NSL1: variants seen among roughly 807,000 people sequenced by gnomAD.
NSL1 encodes kinetochore-associated protein NSL1 homolog.
NSL1 carries 11 observed loss-of-function variants against 25.4 expected under a neutral mutation model. The observed-to-expected ratio is 0.43, with a 90% CI of 0.27 to 0.72. The LOEUF (loss-of-function observed/expected upper bound fraction) is 0.72. Ranked by LOEUF, NSL1 falls within the 30% of genes least tolerant of loss-of-function variation. NSL1 has a pLI of 0.19. For missense variants in NSL1, 330 were observed against 342.7 expected (o/e 0.96, Z 0.29); for synonymous variants, 118 against 120.6 (o/e 0.98, Z 0.14).
rs1485326615 is a variant in NSL1 at position 212,735,245 on chromosome 1, C to A, written c.*3163G>T. 16 of 900,692 alleles carry A rather than the reference C, an allele frequency of 1.8e-5. No homozygotes were observed. The highest frequency in any genetic ancestry group is 2.0e-5 in the Non-Finnish European group (15 of 753,150). The allele number at this position is 900,692 out of a possible 1,614,324, so 55.8% of individuals were successfully genotyped here. On this transcript the variant is annotated 3_prime_UTR_variant, in exon 6 of 6. Coordinates refer to ENST00000366977, the MANE Select transcript of NSL1 (RefSeq NM_015471.4). ...TATCATTGAACTAATAATGGTAGAA[C>A]TGAAATCTGAACTCAGATGATCTGG...
intron 4 of NSL1, among the ~76,000 whole-genome samples, chr1:212,750,825 C>T (rs192700299): frequency 6.6e-6 from 1 of 152,094 alleles, no homozygotes; most frequent in African/African-American, 2.4e-5. Context: ...CCTGTAATCC[C>T]AGCTACTAGG....
At position 212,791,567 on chromosome 1, in the gene NSL1, T is replaced by G; in HGVS notation, c.197A>C (p.Glu66Ala). 4.3e-6 allele frequency: 7 copies of G among 1,613,812 alleles called. No individual in the cohort carries two copies. The highest frequency in any genetic ancestry group is 5.9e-6 in the Non-Finnish European group (7 of 1,180,016). Residue 66 changes from glutamate (E) to alanine (A), a missense_variant, in exon 1 of 6, where the codon GAG becomes GCG. Coordinates refer to ENST00000366977, the MANE Select transcript of NSL1 (RefSeq NM_015471.4). ...FVQKLGDALP[E>A]EIREPALRDA... ...TCGCAGAGCGGGCTCCCGAATCTCC[T>G]CCGGCAGAGCGTCCCCGAGCTTTTG...
chr1:212,742,640 C>G (rs929414599), intron 4 of NSL1, among the ~76,000 whole-genome samples: 2 of 152,084 alleles, frequency 1.3e-5, no homozygotes, highest in Admixed American at 1.3e-4. Context: ...AAAGATCATA[C>G]TGTCGAAAGG....
intron 5 of NSL1, among the ~76,000 whole-genome samples, chr1:212,739,181 A>C (rs1658380258): frequency 6.6e-6 from 1 of 152,218 alleles, no homozygotes; most frequent in South Asian, 2.1e-4. Flanking sequence ...ATAGGATGTA[A>C]GGATTACATG....
chr1:212,779,362 C>T (rs1429003717), intron 4 of NSL1, among the ~76,000 whole-genome samples: 9 of 142,758 alleles, frequency 6.3e-5, no homozygotes, highest in African/African-American at 2.3e-4. Context: ...CGGCCAGCCG[C>T]CCCATCTCAG....
chr1:212,771,050 A>T (rs1660081075), intron 4 of NSL1, among the ~76,000 whole-genome samples: 1 of 152,198 alleles, frequency 6.6e-6, no homozygotes, highest in Non-Finnish European at 1.5e-5. Context: ...GCAGCAGCTC[A>T]CGCCTATAAT....
chr1:212,768,365 C>T (rs937353202), intron 4 of NSL1, among the ~76,000 whole-genome samples: 9 of 148,292 alleles, frequency 6.1e-5, no homozygotes, highest in South Asian at 2.1e-4. Flanking sequence ...GACTACCATT[C>T]GATCCAGCAA....
At chr1:212,785,262 C>T (rs1459915667) in intron 2 of NSL1, among the ~76,000 whole-genome samples, 1 of 152,028 alleles carries the variant, frequency 6.6e-6, no homozygotes, top group African/African-American at 2.4e-5. Flanking sequence ...GCTAACTCTA[C>T]TTTATCATAT....
At position 212,731,877 on chromosome 1, in the gene NSL1, T is replaced by C; in HGVS notation, c.*6531A>G. On this transcript the variant is annotated 3_prime_UTR_variant, in exon 6 of 6. Coordinates refer to ENST00000366977, the MANE Select transcript of NSL1 (RefSeq NM_015471.4). The stretch of plus-strand genomic sequence containing the variant: ...CTCTGGCTGCTCCAGCTCCATGTCC[T>C]GGGACACCCTACCCTGCCCCAGGAC... The C allele has an allele frequency of 2.0e-6, 2 of 985,402 alleles. No homozygotes were observed. The highest frequency in any genetic ancestry group is 2.4e-6 in the Non-Finnish European group (2 of 829,904). 61.0% of individuals were successfully genotyped at this position (985,402 alleles called of 1,614,324 possible).
chr1:212,735,589 T>C lies in NSL1; in HGVS notation c.*2819A>G, dbSNP rs1246132307. 17 of 942,858 alleles carry C rather than the reference T, an allele frequency of 1.8e-5. No individual in the cohort carries two copies. Among genetic ancestry groups the C allele is most frequent in the Non-Finnish European group, 2.1e-5 (17 of 791,224 alleles). The allele number at this position is 942,858 out of a possible 1,614,324, so 58.4% of individuals were successfully genotyped here. A position where few individuals can be genotyped will look rare whatever the true frequency, so the allele number is the denominator to read the frequency against. ...AATGTTTGTGTCCCCCTAAAATCTG[T>C]ATGATGAAGCCTTAACTCCCATGTG... On this transcript the variant is annotated 3_prime_UTR_variant, in exon 6 of 6. Transcript: ENST00000366977.
In NSL1 at chr1:212,737,436, G is replaced by C; in HGVS notation, c.*972C>G. On this transcript the variant is annotated 3_prime_UTR_variant, in exon 6 of 6. Coordinates refer to ENST00000366977, the MANE Select transcript of NSL1 (RefSeq NM_015471.4). The stretch of plus-strand genomic sequence containing the variant: ...GAGTCATCAAAAGGGGAAACAGTTG[G>C]TAAGTTTGATGGCCCTGCCTACACT... 2.0e-6 allele frequency: 2 copies of C among 985,258 alleles called. No homozygotes were observed. Among genetic ancestry groups the C allele is most frequent in the Non-Finnish European group, 2.4e-6 (2 of 829,774 alleles). The allele number at this position is 985,258 out of a possible 1,614,324, so 61.0% of individuals were successfully genotyped here. A position where few individuals can be genotyped will look rare whatever the true frequency, so the allele number is the denominator to read the frequency against.
chr1:212,790,133 C>T (rs1266241946), intron 1 of NSL1, among the ~76,000 whole-genome samples: 1 of 152,122 alleles, frequency 6.6e-6, no homozygotes, highest in South Asian at 2.1e-4. Flanking sequence ...CCTGCCTCAG[C>T]CTCCCGAGTA....
rs780140256 is a variant in NSL1 at position 212,732,213 on chromosome 1, C to T, written c.*6195G>A. ...TTCTTTGAACATCTTAATCATATTACAAAACATCTCCTTTATACAATTTTC... is the reference window on the plus strand; with the variant it reads ...TTCTTTGAACATCTTAATCATATTATAAAACATCTCCTTTATACAATTTTC... On this transcript the variant is annotated 3_prime_UTR_variant, in exon 6 of 6. Coordinates refer to ENST00000366977, the MANE Select transcript of NSL1 (RefSeq NM_015471.4). 1 of 982,174 alleles carries T rather than the reference C, an allele frequency of 1.0e-6. No individual in the cohort carries two copies. The highest frequency in any genetic ancestry group is 1.1e-4 in the East Asian group (1 of 8,802). 60.8% of individuals were successfully genotyped at this position (982,174 alleles called of 1,614,324 possible). A position where few individuals can be genotyped will look rare whatever the true frequency, so the allele number is the denominator to read the frequency against.
rs1166862358 is a variant in NSL1, at chr1:212,737,422, A to T, written c.*986T>A. The T allele has an allele frequency of 1.0e-6, 1 of 985,228 alleles. No homozygotes were observed. 61.0% of individuals were successfully genotyped at this position (985,228 alleles called of 1,614,324 possible). A position where few individuals can be genotyped will look rare whatever the true frequency, so the allele number is the denominator to read the frequency against. ...GAATGAAGGTATCAGAGTCATCAAA[A>T]GGGGAAACAGTTGGTAAGTTTGATG... On this transcript the variant is annotated 3_prime_UTR_variant, in exon 6 of 6. Coordinates refer to ENST00000366977, the MANE Select transcript of NSL1 (RefSeq NM_015471.4).
intron 1 of NSL1, among the ~76,000 whole-genome samples, chr1:212,790,930 A>AT (rs1553255512): frequency 9.3e-5 from 14 of 151,224 alleles, no homozygotes; most frequent in South Asian, 2.1e-4. Context: ...CTCAAAAAAA[A>AT]AAAATAAAAT....
Position 212,737,419 on chromosome 1 carries a change from A to G in NSL1, c.*989T>C, listed in dbSNP as rs1273126901. On this transcript the variant is annotated 3_prime_UTR_variant, in exon 6 of 6. Transcript: ENST00000366977. ...AATGAATGAAGGTATCAGAGTCATC[A>G]AAAGGGGAAACAGTTGGTAAGTTTG... 2 of 985,156 alleles carry G rather than the reference A, an allele frequency of 2.0e-6. No individual in the cohort carries two copies. The highest frequency in any genetic ancestry group is 2.3e-4 in the East Asian group (2 of 8,834). The allele number at this position is 985,156 out of a possible 1,614,324, so 61.0% of individuals were successfully genotyped here. A position where few individuals can be genotyped will look rare whatever the true frequency, so the allele number is the denominator to read the frequency against.
At position 212,735,497 on chromosome 1, in the gene NSL1, C is replaced by T. The variant is rs1480912251; in HGVS notation, c.*2911G>A. 2.0e-6 allele frequency: 2 copies of T among 985,204 alleles called. No homozygotes were observed. The highest frequency in any genetic ancestry group is 2.3e-4 in the East Asian group (2 of 8,826). The allele number at this position is 985,204 out of a possible 1,614,324, so 61.0% of individuals were successfully genotyped here. Reference sequence around the variant, plus strand: ...TTATTCACTTTGTCCTCTACGGAGCCCAAGCCATAAAGGGCCAGGGAAAGA... The same window carrying T: ...TTATTCACTTTGTCCTCTACGGAGCTCAAGCCATAAAGGGCCAGGGAAAGA... On this transcript the variant is annotated 3_prime_UTR_variant, in exon 6 of 6. Transcript: ENST00000366977.
In NSL1 at chr1:212,755,642, G is replaced by C. The variant is rs2102447926; in HGVS notation, c.500-16041C>G. Among the ~76,000 whole-genome samples the C allele has an allele frequency of 2.6e-5, 4 of 151,904 alleles. No homozygotes were observed. In the Middle Eastern group the frequency reaches 0.014, roughly 524 times the overall value. ...ATGTGCATACAAATGCATTGATAAA[G>C]ATCTAAAATTAGACACAGCAAACTG... On this transcript the variant is annotated intron_variant, in intron 4 of 5. Coordinates refer to ENST00000366977, the MANE Select transcript of NSL1 (RefSeq NM_015471.4).
chr1:212,731,248 A>G lies in NSL1; in HGVS notation c.*7160T>C. On this transcript the variant is annotated 3_prime_UTR_variant, in exon 6 of 6. Transcript: ENST00000366977. The stretch of plus-strand genomic sequence containing the variant: ...TATCAGCCAAAAACAGAGAATAGTA[A>G]GTCTTATCTGAAATATACTGTGATA... 1 of 985,216 alleles carries G rather than the reference A, an allele frequency of 1.0e-6. No individual in the cohort carries two copies. The highest frequency in any genetic ancestry group is 1.2e-6 in the Non-Finnish European group (1 of 829,910). 61.0% of individuals were successfully genotyped at this position (985,216 alleles called of 1,614,324 possible). A position where few individuals can be genotyped will look rare whatever the true frequency, so the allele number is the denominator to read the frequency against.
Sources: allele counts gnomAD v4.1 joint callset (sites outside exome capture counted in the v4.1 genomes callset), GRCh38; gene constraint gnomAD v4.1.1; transcripts MANE v1.5; gene names NCBI Gene and HGNC (gene_info 2026-07-23, HGNC 2026-07-21).